The following TSFM variants were observed in gnomAD, a reference collection of about 807,000 sequenced individuals.
TSFM encodes elongation factor Ts, mitochondrial.
Under a neutral mutation model 33.4 loss-of-function variants are expected in TSFM, and 29 were observed. The ratio of observed to expected loss-of-function variants is 0.87; its 90% confidence interval spans 0.65 to 1.18. TSFM has a LOEUF of 1.18. Among genes scored for constraint, TSFM ranks in the 50% most tolerant of loss-of-function variants. The pLI is 0.00. For missense variants in TSFM, 394 were observed against 395.6 expected, an observed-to-expected ratio of 1.00 and a Z score of 0.04; for synonymous variants, 178 against 163.5, an observed-to-expected ratio of 1.09 and a Z score of -0.68.
In TSFM at chr12:57,796,942, A is replaced by G. The variant is rs1008990937; in HGVS notation, c.*359A>G. The stretch of plus-strand genomic sequence containing the variant: ...TTTTGTTCTGTTTTTGCTTTGCGAC[A>G]CTGTGAACCGTGCTTCTGCCTCGGA... On this transcript the variant is annotated 3_prime_UTR_variant, in exon 6 of 6. Coordinates refer to ENST00000652027, the MANE Select transcript of TSFM (RefSeq NM_005726.6). 4.0e-6 allele frequency: 4 copies of G among 991,534 alleles called. No homozygotes were observed. The highest frequency in any genetic ancestry group is 4.8e-6 in the Non-Finnish European group (4 of 834,314). 61.4% of individuals were successfully genotyped at this position (991,534 alleles called of 1,614,324 possible). A position where few individuals can be genotyped will look rare whatever the true frequency, so the allele number is the denominator to read the frequency against.
chr12:57,786,129 T>C (rs1955587845), intron 2 of TSFM, 34 bp from the exon 3 acceptor site: 1 of 1,573,542 alleles, frequency 6.4e-7, no homozygotes, highest in Non-Finnish European at 8.6e-7. Context: ...ATTCTGTGAC[T>C]TTGTTGTCTG....
At chr12:57,791,542 ATAG>A (rs1443754222) in intron 4 of TSFM, among the ~76,000 whole-genome samples, 1 of 152,210 alleles carries the variant, frequency 6.6e-6, no homozygotes, top group Admixed American at 6.5e-5. Flanking sequence ...TGTTGCACAG[ATAG>A]TAGTATAATA....
At chr12:57,786,939 TA>T in intron 3 of TSFM, 100 bp from the exon 4 acceptor site, 1 of 1,327,836 alleles carries the variant, frequency 7.5e-7, no homozygotes, top group Non-Finnish European at 1.0e-6. Context: ...GTTGAGTCTG[TA>T]GCTTGTTCTA....
chr12:57,783,271 G>T lies in TSFM; in HGVS notation c.219G>T (p.Gly73=), dbSNP rs1166056473. 1.9e-6 allele frequency: 3 copies of T among 1,613,640 alleles called. No individual in the cohort carries two copies. The African/African-American group carries it at 4.0e-5, about 22-fold the overall frequency. Residue 73 remains glycine (G), a synonymous_variant, in exon 2 of 6, where the codon GGG becomes GGT. Coordinates refer to ENST00000652027, the MANE Select transcript of TSFM (RefSeq NM_005726.6). ...NCKKALETCG[G]DLKQAEIWLH... is the part of the protein sequence containing the mutation. ...AGAAAGCTCTGGAGACTTGTGGCGG[G>T]GACCTCAAACAGGTGTGTGTGTGGA...
At position 57,796,211 on chromosome 12, in the gene TSFM, T is replaced by C. The variant is rs1007138545; in HGVS notation, c.606T>C (p.Ala202=). ...GAGAAAACATGATTCTTAAACGAGC[T>C]GCATGGGTGAAGGTGCCATCTGGGT... ...KLGENMILKR[A]AWVKVPSGFY... Residue 202 remains alanine, a synonymous_variant, in exon 6 of 6, where the codon GCT becomes GCC. Coordinates refer to ENST00000652027, the MANE Select transcript of TSFM (RefSeq NM_005726.6). 2 of 1,596,430 alleles carry C rather than the reference T, an allele frequency of 1.3e-6. No homozygotes were observed. Among genetic ancestry groups the C allele is most frequent in the African/African-American group, 2.7e-5 (2 of 74,236 alleles).
downstream of TSFM, chr12:57,797,682 T>C (rs1771204239): frequency 1.4e-6 from 1 of 716,812 alleles, no homozygotes; most frequent in Non-Finnish European, 1.8e-6. Context: ...CCAAAAACTA[T>C]ATGGTTAACA....
intron 4 of TSFM, among the ~76,000 whole-genome samples, chr12:57,789,896 C>T (rs1955640091): frequency 6.6e-6 from 1 of 151,998 alleles, no homozygotes; most frequent in Admixed American, 6.6e-5. Flanking sequence ...TATTTTCTTA[C>T]TTTTTGGCTT....
downstream of TSFM, chr12:57,802,032 T>A: frequency 9.5e-7 from 1 of 1,054,682 alleles, no homozygotes; most frequent in Non-Finnish European, 1.3e-6. Context: ...AGGCAGGGAG[T>A]GGGATGGGAG....
intron 2 of TSFM, chr12:57,783,489 C>G (rs1246345907): frequency 1.7e-5 from 12 of 720,780 alleles, no homozygotes; most frequent in Non-Finnish European, 7.6e-6. Flanking sequence ...ACAAACCAGA[C>G]TGTTACGGTG....
chr12:57,801,990 C>T (rs3816896), downstream of TSFM, among the ~76,000 whole-genome samples: 54,790 of 152,064 alleles, frequency 0.36, 10,881 homozygotes, highest in Middle Eastern at 0.62. Flanking sequence ...GGACTTACTG[C>T]TGTGGCAGGT....
intron 5 of TSFM, 116 bp downstream of exon 5, chr12:57,793,189 G>A: frequency 1.2e-6 from 1 of 811,330 alleles, no homozygotes; most frequent in Non-Finnish European, 2.0e-6. Context: ...TGATACGAAC[G>A]TGAGAAGTGG....
At chr12:57,800,219 C>CT (rs1955819248), downstream of TSFM, 1 of 257,984 alleles carries the variant, frequency 3.9e-6, no homozygotes, top group Admixed American at 4.8e-5. Flanking sequence ...GATCACATAC[C>CT]TTCTCTTGGT....
rs1955760673 is a variant in TSFM, at chr12:57,797,543, G to A, written c.*960G>A. 2 of 928,686 alleles carry A rather than the reference G, an allele frequency of 2.2e-6. No homozygotes were observed. The highest frequency in any genetic ancestry group is 9.9e-5 in the South Asian group (2 of 20,156). The allele number at this position is 928,686 out of a possible 1,614,324, so 57.5% of individuals were successfully genotyped here. ...AAAATTGAAAACAAAGGTAGGTCCT[G>A]GTATAATATTAAACATAAAGTTATT... On this transcript the variant is annotated 3_prime_UTR_variant, in exon 6 of 6. Transcript: ENST00000652027.
downstream of TSFM, chr12:57,800,492 T>C (rs1403943466): frequency 6.5e-6 from 1 of 152,872 alleles, no homozygotes; most frequent in East Asian, 1.9e-4. Context: ...TGGACTTCAC[T>C]GTCAGAAATG....
At chr12:57,785,702 A>G (rs991150298) in intron 2 of TSFM, among the ~76,000 whole-genome samples, 3 of 152,210 alleles carry the variant, frequency 2.0e-5, no homozygotes, top group African/African-American at 7.2e-5. Context: ...CATGTACTAT[A>G]TGTAATTGTA....
Position 57,793,068 on chromosome 12 carries a change from C to G in TSFM, c.566C>G (p.Ala189Gly), listed in dbSNP as rs1406658872. ...EGSLKDQLAL[A>G]IGKLGENMIL... ...TCACTCAAGGATCAGTTGGCTTTAGCAATTGGTGAGTATTTGTAAAGGTTC... is the reference window on the plus strand; with the variant it reads ...TCACTCAAGGATCAGTTGGCTTTAGGAATTGGTGAGTATTTGTAAAGGTTC... Residue 189 changes from alanine (A) to glycine (G), a missense_variant, in exon 5 of 6, where the codon GCA (alanine) becomes GGA (glycine). Physicochemically the swap from Ala to Gly is moderately conservative, Grantham distance 60. This residue lies in a region of TSFM where 186 missense variants were observed against 198.8 expected (regional missense o/e 0.94). Transcript: ENST00000652027. 6.2e-7 allele frequency: 1 copy of G among 1,612,836 alleles called. No homozygotes were observed. Among genetic ancestry groups the G allele is most frequent in the Non-Finnish European group, 8.5e-7 (1 of 1,179,236 alleles).
intron 2 of TSFM, among the ~76,000 whole-genome samples, chr12:57,784,692 C>A (rs541944797): frequency 6.6e-6 from 1 of 151,810 alleles, no homozygotes; most frequent in East Asian, 2.0e-4. Flanking sequence ...TAGCCTGACC[C>A]ACACGGAGAA....
intron 4 of TSFM, among the ~76,000 whole-genome samples, chr12:57,788,890 C>G (rs1955625154): frequency 6.6e-6 from 1 of 152,142 alleles, no homozygotes; most frequent in Admixed American, 6.6e-5. Context: ...GCTTTGGCCT[C>G]CCAAAGTGTT....
intron 3 of TSFM, 43 bp from the exon 4 acceptor site, chr12:57,786,997 A>G: frequency 6.3e-7 from 1 of 1,580,996 alleles, no homozygotes. Context: ...TTTGGAAATT[A>G]TCATTAAACA....
Sources: gnomAD v4.1 joint callset for allele counts (sites outside exome capture counted in the v4.1 genomes callset) on GRCh38, gnomAD v4.1.1 for gene constraint, gnomAD v4.1.1 regional missense constraint, MANE v1.5 for transcripts, NCBI Gene and HGNC (gene_info 2026-07-23, HGNC 2026-07-21) for gene names.